The following TM7SF3 variants were observed in gnomAD, a reference collection of about 807,000 sequenced individuals.
TM7SF3 encodes the protein transmembrane 7 superfamily member 3.
A neutral mutation model predicts 65.5 loss-of-function variants in TM7SF3; 60 were observed. The observed-to-expected ratio is 0.92, with a 90% confidence interval of 0.74 to 1.14. TM7SF3 has a LOEUF of 1.14. Ranked by LOEUF, TM7SF3 falls within the 50% of genes most tolerant of loss-of-function variation. The pLI is 0.00. For synonymous variants in TM7SF3, 264 were observed against 259.6 expected (o/e 1.02, Z -0.16); for missense variants, 623 against 684.8 (o/e 0.91, Z 1.01).
intron 9 of TM7SF3, among the ~76,000 whole-genome samples, chr12:26,977,743 G>T (rs1939628085): frequency 6.6e-6 from 1 of 151,128 alleles, no homozygotes; most frequent in Non-Finnish European, 1.5e-5. Context: ...GACAGAGTGA[G>T]ACTCCGTCTC....
rs574676014 is a variant in TM7SF3 at position 27,003,827 on chromosome 12, G to A, written c.92-437C>T. On this transcript the variant is annotated intron_variant, in intron 1 of 11. Transcript: ENST00000343028. Reference sequence around the variant, plus strand: ...CAGCGTAGCCCGAAGAGACACAGGTGGCTGCAATTTAATACCGGTGTTTAC... The same window carrying A: ...CAGCGTAGCCCGAAGAGACACAGGTAGCTGCAATTTAATACCGGTGTTTAC... 6.6e-5 allele frequency among the ~76,000 whole-genome samples: 10 copies of A among 152,302 alleles called. No homozygotes were observed. In the South Asian group the frequency reaches 1.9e-3, roughly 28 times the overall value.
intron 6 of TM7SF3, among the ~76,000 whole-genome samples, chr12:26,989,351 C>T (rs962741448): frequency 1.6e-4 from 25 of 152,282 alleles, no homozygotes; most frequent in Middle Eastern, 3.4e-3. Context: ...GCAGGAGAAT[C>T]ACTTGAACCT....
intron 6 of TM7SF3, among the ~76,000 whole-genome samples, chr12:26,984,558 T>C (rs1939960989): frequency 6.6e-6 from 1 of 152,078 alleles, no homozygotes; most frequent in Non-Finnish European, 1.5e-5. Flanking sequence ...ACCAAAACCA[T>C]TAAATTTGCT....
intron 9 of TM7SF3, 77 bp from the exon 10 acceptor site, chr12:26,976,434 C>CA: frequency 1.1e-6 from 1 of 895,680 alleles, no homozygotes; most frequent in Admixed American, 2.0e-5. Context: ...CATCTGAACA[C>CA]AGATATACAT....
In TM7SF3 at chr12:26,971,840, T is replaced by G. The variant is rs988040496; in HGVS notation, c.*2125A>C. ...ATTATAGACAGTAAGGATTACAGAA[T>G]AAGCAGTAAATGGTCACCTGCACTG... On this transcript the variant is annotated 3_prime_UTR_variant, in exon 12 of 12. Coordinates refer to ENST00000343028, the MANE Select transcript of TM7SF3 (RefSeq NM_016551.3). 2 of 152,222 alleles carry G rather than the reference T, an allele frequency of 1.3e-5. No individual in the cohort carries two copies. Among genetic ancestry groups the G allele is most frequent in the Non-Finnish European group, 2.9e-5 (2 of 68,040 alleles). 9.4% of individuals were successfully genotyped at this position (152,222 alleles called of 1,614,324 possible).
At chr12:27,012,755 T>C (rs375301827) in intron 1 of TM7SF3, 30 of 455,760 alleles carry the variant, frequency 6.6e-5, no homozygotes, top group African/African-American at 5.8e-4. Context: ...ATCCCAGCAC[T>C]CTGGGAGGCC....
chr12:26,992,531 G>T (rs762929469), intron 5 of TM7SF3, among the ~76,000 whole-genome samples: 15 of 152,102 alleles, frequency 9.9e-5, no homozygotes, highest in African/African-American at 1.9e-4. Context: ...TGATCCTCCC[G>T]CCTTGGCCTC....
intron 1 of TM7SF3, among the ~76,000 whole-genome samples, chr12:27,006,485 A>G (rs1175100840): frequency 6.6e-6 from 1 of 152,230 alleles, no homozygotes; most frequent in Non-Finnish European, 1.5e-5. Context: ...ACTAGAAAAA[A>G]AAAGGGACAA....
intron 1 of TM7SF3, among the ~76,000 whole-genome samples, chr12:27,010,643 G>A (rs1446390671): frequency 6.6e-6 from 1 of 152,192 alleles, no homozygotes; most frequent in African/African-American, 2.4e-5. Context: ...TATATCTTAT[G>A]ACTTGCAGAG....
intron 11 of TM7SF3, among the ~76,000 whole-genome samples, 155 bp downstream of exon 11, chr12:26,975,341 C>T (rs554639064): frequency 6.5e-4 from 99 of 152,278 alleles, no homozygotes; most frequent in Non-Finnish European, 1.2e-3. Flanking sequence ...CCTGAGTTAT[C>T]ATAACAGAGG....
chr12:26,993,503 C>T (rs181066188), intron 5 of TM7SF3, among the ~76,000 whole-genome samples: 1 of 152,316 alleles, frequency 6.6e-6, no homozygotes, highest in African/African-American at 2.4e-5. Context: ...TCAGACTGCA[C>T]TACATAAGCA....
chr12:26,996,140 C>G (rs1020081923), intron 4 of TM7SF3, among the ~76,000 whole-genome samples: 2 of 151,246 alleles, frequency 1.3e-5, no homozygotes, highest in African/African-American at 2.4e-5. Flanking sequence ...ATAGAAAGAC[C>G]TCATCTTTGA....
intron 5 of TM7SF3, among the ~76,000 whole-genome samples, chr12:26,994,985 T>C (rs1940530007): frequency 6.6e-6 from 1 of 152,194 alleles, no homozygotes; most frequent in Non-Finnish European, 1.5e-5. Context: ...TCCATTCACA[T>C]TTCAGATTAC....
At chr12:27,002,028 C>G (rs1940851237) in intron 2 of TM7SF3, among the ~76,000 whole-genome samples, 1 of 152,156 alleles carries the variant, frequency 6.6e-6, no homozygotes, top group African/African-American at 2.4e-5. Flanking sequence ...AACTACCCCC[C>G]TACACACATA....
chr12:27,014,091 C>T lies in TM7SF3; in HGVS notation c.78G>A (p.Gly26=). The change falls in exon 1 of 12, where the codon GGG becomes GGA. Residue 26 remains glycine (G), a synonymous_variant. Transcript: ENST00000343028. ...HRVAGAAEVF[G]NSSEGLIEFS... ...CCCCGACCTTACCCTCGCTGGAATT[C>T]CCGAAGACCTCGGCTGCACCAGCCA... 1 of 1,570,248 alleles carries T rather than the reference C, an allele frequency of 6.4e-7. No homozygotes were observed. Among genetic ancestry groups the T allele is most frequent in the Non-Finnish European group, 8.6e-7 (1 of 1,157,402 alleles).
At chr12:26,975,707 T>C (rs1181209947) in intron 10 of TM7SF3, 49 bp from the exon 11 acceptor site, 1 of 1,592,170 alleles carries the variant, frequency 6.3e-7, no homozygotes, top group South Asian at 1.1e-5. Context: ...AGAACAAAAA[T>C]AGTTTATAAC....
intron 9 of TM7SF3, chr12:26,979,396 G>A (rs923099309): frequency 3.2e-5 from 6 of 185,142 alleles, no homozygotes; most frequent in Non-Finnish European, 6.8e-5. Flanking sequence ...GGGACACCTG[G>A]GGTTTGGCAG....
chr12:27,012,776 G>A (rs1341166535), intron 1 of TM7SF3: 5 of 455,024 alleles, frequency 1.1e-5, no homozygotes, highest in South Asian at 7.8e-5. Context: ...AAGGCGGGCA[G>A]ATCACGAGGT....
chr12:26,999,715 G>T (rs778789763), intron 2 of TM7SF3, 39 bp from the exon 3 acceptor site: 12 of 1,608,436 alleles, frequency 7.5e-6, no homozygotes, highest in Non-Finnish European at 8.5e-6. Context: ...ATAGGAAGTC[G>T]ACCAAAACAT....
Sources: allele counts gnomAD v4.1 joint callset (sites outside exome capture counted in the v4.1 genomes callset), GRCh38; gene constraint gnomAD v4.1.1; transcripts MANE v1.5; gene names NCBI Gene and HGNC (gene_info 2026-07-23, HGNC 2026-07-21).